CHLSN: variants seen among roughly 807,000 people sequenced by gnomAD.
CHLSN encodes the protein protein cholesin.
At chr7:1,102,295 T>C in the CHLSN span, among the ~76,000 whole-genome samples, 1 of 152,234 alleles carries the variant, frequency 6.6e-6, no homozygotes, top group Non-Finnish European at 1.5e-5. Flanking sequence ...CCAGCGGCAG[T>C]GGCAGTTCCC....
chr7:997,189 G>A, the CHLSN span: 3,529 of 156,804 alleles, frequency 0.023, 135 homozygotes, highest in East Asian at 0.19. Flanking sequence ...CCAGGAATGC[G>A]GCCCACGCAG....
the CHLSN span, among the ~76,000 whole-genome samples, chr7:1,112,557 G>T: frequency 8.4e-4 from 128 of 152,296 alleles, no homozygotes; most frequent in African/African-American, 3.0e-3. Flanking sequence ...AAAGTCCCAC[G>T]GAACCTGGCA....
At chr7:1,124,037 C>T in the CHLSN span, among the ~76,000 whole-genome samples, 3 of 152,312 alleles carry the variant, frequency 2.0e-5, no homozygotes, top group Admixed American at 6.5e-5. Context: ...GTGACTCTGC[C>T]GGCAGCTGCG....
At chr7:1,033,966 G>T in the CHLSN span, among the ~76,000 whole-genome samples, 5 of 152,234 alleles carry the variant, frequency 3.3e-5, no homozygotes, top group Non-Finnish European at 7.3e-5. Context: ...CTGGCCGGGG[G>T]CCACAGGCAG....
At chr7:1,046,962 G>C in the CHLSN span, among the ~76,000 whole-genome samples, 2 of 152,204 alleles carry the variant, frequency 1.3e-5, no homozygotes, top group Non-Finnish European at 1.5e-5. Flanking sequence ...ACCGGGGCTC[G>C]ACTGAGGAGC....
chr7:1,062,474 C>T, the CHLSN span, among the ~76,000 whole-genome samples: 2 of 152,210 alleles, frequency 1.3e-5, no homozygotes, highest in African/African-American at 4.8e-5. Flanking sequence ...ACTTCACACA[C>T]GCCCGGCACG....
chr7:1,071,453 G>A, the CHLSN span, among the ~76,000 whole-genome samples: 1 of 152,160 alleles, frequency 6.6e-6, no homozygotes, highest in African/African-American at 2.4e-5. Flanking sequence ...GTGGGCCTGG[G>A]CACTGGTGGG....
chr7:1,110,221 C>A, the CHLSN span, among the ~76,000 whole-genome samples: 1 of 152,202 alleles, frequency 6.6e-6, no homozygotes, highest in East Asian at 1.9e-4. Flanking sequence ...TAGCTTCCCG[C>A]CAGAATACCT....
At chr7:1,109,060 C>A in the CHLSN span, among the ~76,000 whole-genome samples, 1 of 152,062 alleles carries the variant, frequency 6.6e-6, no homozygotes, top group Non-Finnish European at 1.5e-5. Context: ...TCACACCCAG[C>A]TCATTTTTCT....
the CHLSN span, among the ~76,000 whole-genome samples, chr7:994,161 A>C: frequency 5.9e-5 from 9 of 152,012 alleles, no homozygotes. Flanking sequence ...TTTTATTTTT[A>C]TGTATTTATT....
At chr7:1,092,522 T>C in the CHLSN span, 1 of 1,608,264 alleles carries the variant, frequency 6.2e-7, no homozygotes, top group Non-Finnish European at 8.5e-7. Context: ...CTCGCGGTGG[T>C]GCTGGTCTTC....
the CHLSN span, among the ~76,000 whole-genome samples, chr7:1,027,938 C>T: frequency 6.6e-6 from 1 of 152,196 alleles, no homozygotes; most frequent in African/African-American, 2.4e-5. Context: ...GTTGCGGGGC[C>T]GCTCGAGGGC....
At chr7:1,071,536 T>C in the CHLSN span, among the ~76,000 whole-genome samples, 1 of 151,680 alleles carries the variant, frequency 6.6e-6, no homozygotes, top group Non-Finnish European at 1.5e-5. Flanking sequence ...ACAGCGACAC[T>C]CCAAAAAGCA....
chr7:1,063,135 G>C, the CHLSN span, among the ~76,000 whole-genome samples: 1 of 152,152 alleles, frequency 6.6e-6, no homozygotes, highest in South Asian at 2.1e-4. Context: ...ATCCTGCTCA[G>C]CCACCTTGAC....
At chr7:1,133,715 C>T in the CHLSN span, among the ~76,000 whole-genome samples, 1 of 147,278 alleles carries the variant, frequency 6.8e-6, no homozygotes, top group Non-Finnish European at 1.5e-5. Flanking sequence ...GATCAAGCCA[C>T]TGCACTCCAG....
chr7:987,119 G>T, the CHLSN span: 2 of 1,561,046 alleles, frequency 1.3e-6, no homozygotes, highest in South Asian at 1.2e-5. Flanking sequence ...GGATGACCCC[G>T]AGGGCCTGTT....
At chr7:1,005,151 C>T in the CHLSN span, among the ~76,000 whole-genome samples, 5 of 152,124 alleles carry the variant, frequency 3.3e-5, no homozygotes, top group Non-Finnish European at 7.3e-5. Context: ...ATTAGCCGGG[C>T]GTGGTGTCGG....
the CHLSN span, among the ~76,000 whole-genome samples, chr7:1,021,932 C>T: frequency 1.3e-5 from 2 of 152,172 alleles, no homozygotes; most frequent in Non-Finnish European, 1.5e-5. Context: ...GCAGCTCCCT[C>T]GGCCTGGGTC....
the CHLSN span, among the ~76,000 whole-genome samples, chr7:1,124,493 C>G: frequency 6.8e-6 from 1 of 146,642 alleles, no homozygotes; most frequent in Non-Finnish European, 1.5e-5. Flanking sequence ...CAGCGTCCAT[C>G]TGGAACCCAA....
Sources: allele counts gnomAD v4.1 joint callset (sites outside exome capture counted in the v4.1 genomes callset), GRCh38; gene constraint gnomAD v4.1.1; transcripts MANE v1.5; gene names NCBI Gene and HGNC (gene_info 2026-07-23, HGNC 2026-07-21).